The following KCNH6 variants were observed in gnomAD, a reference collection of about 807,000 sequenced individuals.
The protein encoded by KCNH6 is potassium voltage-gated channel subfamily H member 6, also known as voltage-gated inwardly rectifying potassium channel KCNH6.
KCNH6 carries 81 observed loss-of-function variants against 83.4 expected under a neutral mutation model. The ratio of observed to expected loss-of-function variants is 0.97; its 90% CI spans 0.81 to 1.17. KCNH6 has a LOEUF of 1.17. Among genes scored for constraint, KCNH6 ranks in the 50% most tolerant of loss-of-function variants. The probability of loss-of-function intolerance (pLI) is 0.00; values close to 1 mark genes in which losing one functional copy is unlikely to be tolerated. For synonymous variants in KCNH6, 503 were observed against 545.6 expected, an observed-to-expected ratio of 0.92 and a Z score of 1.09; for missense variants, 1,203 against 1,290.5, an observed-to-expected ratio of 0.93 and a Z score of 1.04.
chr17:63,542,493 T>C (rs1797031701), intron 9 of KCNH6, 59 bp downstream of exon 9: 2 of 1,471,990 alleles, frequency 1.4e-6, no homozygotes, highest in South Asian at 2.3e-5. Flanking sequence ...CTGCCTGGCC[T>C]GAGGGCACCC....
At chr17:63,531,337 C>T (rs561234663) in intron 4 of KCNH6, among the ~76,000 whole-genome samples, 1 of 152,272 alleles carries the variant, frequency 6.6e-6, no homozygotes, top group Admixed American at 6.5e-5. Flanking sequence ...CTTTCATCTG[C>T]AGGAGAGAGA....
intron 10 of KCNH6, 30 bp from the exon 11 acceptor site, chr17:63,544,219 C>T (rs751060383): frequency 6.3e-7 from 1 of 1,589,582 alleles, no homozygotes; most frequent in African/African-American, 1.3e-5. Flanking sequence ...CCAGCTAGGC[C>T]CAGCTGAGAC....
chr17:63,527,510 GC>G (rs1372906342), intron 2 of KCNH6, among the ~76,000 whole-genome samples: 2 of 152,196 alleles, frequency 1.3e-5, no homozygotes, highest in African/African-American at 4.8e-5. Context: ...GAAGTGGGGT[GC>G]CTTTGCTAAG....
At chr17:63,544,964 C>A in intron 11 of KCNH6, 114 bp from the exon 12 acceptor site, 3 of 1,028,340 alleles carry the variant, frequency 2.9e-6, no homozygotes, top group South Asian at 1.4e-5. Flanking sequence ...TTCAGGTAGG[C>A]CCCAGGCCGC....
At position 63,545,801 on chromosome 17, in the gene KCNH6, T is replaced by C. The variant is rs1319540714; in HGVS notation, c.2776T>C (p.Cys926Arg). 1 of 1,614,164 alleles carries C rather than the reference T, an allele frequency of 6.2e-7. No homozygotes were observed. The highest frequency in any genetic ancestry group is 8.5e-7 in the Non-Finnish European group (1 of 1,180,030). Residue 926 changes from cysteine to arginine, a missense_variant, in exon 13 of 13, where the codon TGC becomes CGC. Physicochemically the swap from Cys to Arg is radical, Grantham distance 180. Transcript: ENST00000314672. ...AGTACAAGGACTCATCTGTGGTCCC[T>C]GCTTCTCCTCCCTCCCTGAACACCT... The part of the protein sequence containing the change: ...LEVQGLICGP[C>R]FSSLPEHLGS...
intron 6 of KCNH6, among the ~76,000 whole-genome samples, chr17:63,537,535 A>G (rs2032574109): frequency 6.6e-6 from 1 of 152,150 alleles, no homozygotes; most frequent in South Asian, 2.1e-4. Flanking sequence ...CCTGGGTTCA[A>G]GCGATTCTCA....
At chr17:63,544,049 G>A (rs117321085) in intron 10 of KCNH6, 200 bp from the exon 11 acceptor site, 79,979 of 1,599,516 alleles carry the variant, frequency 0.05, 2,390 homozygotes, top group Non-Finnish European at 0.06. Flanking sequence ...TCCCCTCTAA[G>A]GGCTACAGCC....
chr17:63,542,340 T>C lies in KCNH6; in HGVS notation c.2054T>C (p.Ile685Thr), dbSNP rs762584923. 6.2e-6 allele frequency: 10 copies of C among 1,613,908 alleles called. No homozygotes were observed. The East Asian group carries it at 2.0e-4, about 32-fold the overall frequency. Residue 685 changes from isoleucine (I) to threonine (T), a missense_variant, in exon 9 of 13, where the codon ATC becomes ACC. By Grantham distance (89) the Ile-to-Thr change is moderately conservative (BLOSUM62 -1). Coordinates refer to ENST00000314672, the MANE Select transcript of KCNH6 (RefSeq NM_001278919.2). ...CTGACCTACTGCGACCTGCACAAGATCCAGCGGGCAGATCTGCTGGAGGTG... is the reference window on the plus strand; with the variant it reads ...CTGACCTACTGCGACCTGCACAAGACCCAGCGGGCAGATCTGCTGGAGGTG... ...RALTYCDLHKIQRADLLEVLD... is the reference protein window; with the variant it reads ...RALTYCDLHKTQRADLLEVLD...
rs1326937807 is a variant in KCNH6 at position 63,533,947 on chromosome 17, G to C, written c.737G>C (p.Arg246Pro). 6.2e-7 allele frequency: 1 copy of C among 1,614,080 alleles called. No homozygotes were observed. The highest frequency in any genetic ancestry group is 2.2e-5 in the East Asian group (1 of 44,870). Residue 246 changes from arginine (R) to proline (P), a missense_variant, in exon 5 of 13, where the codon CGC (arginine) becomes CCC (proline). Physicochemically the swap from Arg to Pro is moderately radical, Grantham distance 103 (BLOSUM62 -2). Coordinates refer to ENST00000314672, the MANE Select transcript of KCNH6 (RefSeq NM_001278919.2). This position sits in a 1 kb window ranked among gnomAD's most constrained non-coding sequence, Gnocchi z 4.1. Reference sequence around the variant, plus strand: ...AAGCTGCAGGCGCCGCGCATCCACCGCTGGACCATCCTGCACTACAGCCCC... The same window carrying C: ...AAGCTGCAGGCGCCGCGCATCCACCCCTGGACCATCCTGCACTACAGCCCC... The part of the protein sequence containing the change: ...EYKLQAPRIH[R>P]WTILHYSPFK...
rs1402788742 is a variant in KCNH6 at position 63,535,117 on chromosome 17, C to T, written c.1102-552C>T. 6.6e-6 allele frequency among the ~76,000 whole-genome samples: 1 copy of T among 152,166 alleles called. No individual in the cohort carries two copies. The highest frequency in any genetic ancestry group is 1.5e-5 in the Non-Finnish European group (1 of 68,022). ...GGGTCCTCAGAATTTTCAGTGGCTT[C>T]CCAAGGCCTACAGACTAGAAGCCAA... On this transcript the variant is annotated intron_variant, in intron 5 of 12. Transcript: ENST00000314672. This position sits in a 1 kb window ranked among gnomAD's most constrained non-coding sequence, Gnocchi z 4.9.
At chr17:63,545,488 C>A in intron 12 of KCNH6, 121 bp from the exon 13 acceptor site, 4 of 1,101,856 alleles carry the variant, frequency 3.6e-6, no homozygotes, top group Non-Finnish European at 5.2e-6. Context: ...GGGGCCAGGG[C>A]AGCAGGACCC....
At chr17:63,540,785 T>C (rs1410022560) in intron 8 of KCNH6, among the ~76,000 whole-genome samples, 2 of 152,204 alleles carry the variant, frequency 1.3e-5, no homozygotes, top group Admixed American at 6.5e-5. Context: ...AAGTGGACTT[T>C]CTGGGGGAGT....
In KCNH6 at chr17:63,538,522, C is replaced by T. The variant is rs2032671182; in HGVS notation, c.1814C>T (p.Ala605Val). 1 of 1,606,102 alleles carries T rather than the reference C, an allele frequency of 6.2e-7. No homozygotes were observed. The highest frequency in any genetic ancestry group is 1.3e-5 in the African/African-American group (1 of 74,850). ...FSGAGKGCLR[A>V]LAVKFKTTHA... Reference sequence around the variant, plus strand: ...GGCGCCGGCAAGGGCTGCCTGCGCGCGCTAGCCGTCAAGTTCAAGACCACC... The same window carrying T: ...GGCGCCGGCAAGGGCTGCCTGCGCGTGCTAGCCGTCAAGTTCAAGACCACC... The change falls in exon 8 of 13, where the codon GCG (alanine) becomes GTG (valine). Residue 605 changes from alanine to valine, a missense_variant. Coordinates refer to ENST00000314672, the MANE Select transcript of KCNH6 (RefSeq NM_001278919.2). The surrounding 1 kb of genome is among the most constrained non-coding windows in gnomAD (Gnocchi z 4.0).
At chr17:63,529,966 T>C (rs1555675450) in intron 2 of KCNH6, 125 bp from the exon 3 acceptor site, 3 of 993,002 alleles carry the variant, frequency 3.0e-6, no homozygotes, top group Non-Finnish European at 4.4e-6. Flanking sequence ...CTCTGGTCAC[T>C]GTCCAAGCCT....
At position 63,533,946 on chromosome 17, in the gene KCNH6, C is replaced by T. The variant is rs778662181; in HGVS notation, c.736C>T (p.Arg246Cys). 17 of 1,614,008 alleles carry T rather than the reference C, an allele frequency of 1.1e-5. No homozygotes were observed. The Middle Eastern group carries it at 6.6e-4, about 62-fold the overall frequency. ...CAAGCTGCAGGCGCCGCGCATCCACCGCTGGACCATCCTGCACTACAGCCC... is the reference window on the plus strand; with the variant it reads ...CAAGCTGCAGGCGCCGCGCATCCACTGCTGGACCATCCTGCACTACAGCCC... ...EYKLQAPRIHRWTILHYSPFK... is the reference protein window; with the variant it reads ...EYKLQAPRIHCWTILHYSPFK... Residue 246 changes from arginine to cysteine, a missense_variant, in exon 5 of 13, where the codon CGC becomes TGC. By Grantham distance (180) the Arg-to-Cys change is radical. Coordinates refer to ENST00000314672, the MANE Select transcript of KCNH6 (RefSeq NM_001278919.2). This position sits in a 1 kb window ranked among gnomAD's most constrained non-coding sequence, Gnocchi z 4.1.
In KCNH6 at chr17:63,534,753, T is replaced by C. The variant is rs73332039; in HGVS notation, c.1101+442T>C. On this transcript the variant is annotated intron_variant, in intron 5 of 12. Coordinates refer to ENST00000314672, the MANE Select transcript of KCNH6 (RefSeq NM_001278919.2). The surrounding 1 kb of genome is among the most constrained non-coding windows in gnomAD (Gnocchi z 5.0). Reference sequence around the variant, plus strand: ...TGACGTGAAGGCATCTACATGCCTTTCTCATAGCTTCCAGTCCCACGGTCT... The same window carrying C: ...TGACGTGAAGGCATCTACATGCCTTCCTCATAGCTTCCAGTCCCACGGTCT... Among the ~76,000 whole-genome samples, 1,703 of 152,068 alleles carry C rather than the reference T, an allele frequency of 0.011. 29 individuals are homozygous for C. The highest frequency in any genetic ancestry group is 0.039 in the African/African-American group (1,618 of 41,466).
chr17:63,545,684 G>A lies in KCNH6; in HGVS notation c.2659G>A (p.Val887Met). 2 of 1,614,050 alleles carry A rather than the reference G, an allele frequency of 1.2e-6. No individual in the cohort carries two copies. Among genetic ancestry groups the A allele is most frequent in the Non-Finnish European group, 8.5e-7 (1 of 1,179,978 alleles). Reference sequence around the variant, plus strand: ...CTCCCCCAGGATGCCTCACCTGGCTGTGGCAACGGACAAAACTCTGGCACC... The same window carrying A: ...CTCCCCCAGGATGCCTCACCTGGCTATGGCAACGGACAAAACTCTGGCACC... ...NSSPRMPHLA[V>M]ATDKTLAPSS... is the part of the protein sequence containing the mutation. The change falls in exon 13 of 13, where the codon GTG (valine) becomes ATG (methionine). Residue 887 changes from valine (V) to methionine (M), a missense_variant. Transcript: ENST00000314672.
chr17:63,524,602 C>A (rs2031576444), intron 2 of KCNH6, among the ~76,000 whole-genome samples: 1 of 152,230 alleles, frequency 6.6e-6, no homozygotes, highest in Non-Finnish European at 1.5e-5. Context: ...GGGGCAGGGC[C>A]TCCTGCTCTG....
Position 63,528,364 on chromosome 17 carries a change from G to T in KCNH6, c.308-1727G>T, listed in dbSNP as rs143741812. 6.2e-4 allele frequency among the ~76,000 whole-genome samples: 94 copies of T among 152,310 alleles called. No individual in the cohort carries two copies. In the East Asian group the frequency reaches 0.016, roughly 26 times the overall value. The stretch of plus-strand genomic sequence containing the variant: ...GTGTCTCCCCTGGGCCCAGGCAGCA[G>T]ATGGTAGATGGCTGCCTGGTGCCTG... On this transcript the variant is annotated intron_variant, in intron 2 of 12. Coordinates refer to ENST00000314672, the MANE Select transcript of KCNH6 (RefSeq NM_001278919.2).
Sources: allele counts gnomAD v4.1 joint callset (sites outside exome capture counted in the v4.1 genomes callset), GRCh38; gene constraint gnomAD v4.1.1; non-coding constraint Gnocchi (gnomAD v3.1); transcripts MANE v1.5; gene names NCBI Gene and HGNC (gene_info 2026-07-23, HGNC 2026-07-21).